The following CNBD1 variants were observed in gnomAD, a reference collection of about 807,000 sequenced individuals.
CNBD1 encodes cyclic nucleotide-binding domain-containing protein 1.
A neutral mutation model predicts 54.4 loss-of-function variants in CNBD1; 71 were observed. That is an observed-to-expected ratio of 1.30 (90% CI 1.08 to 1.59). The LOEUF (loss-of-function observed/expected upper bound fraction) is 1.59, where lower values mean the gene tolerates loss of function less well. Among genes scored for constraint, CNBD1 ranks in the 40% most tolerant of loss-of-function variants. The probability of loss-of-function intolerance (pLI) is 0.00; values close to 1 mark genes in which losing one functional copy is unlikely to be tolerated. For synonymous variants in CNBD1, 182 were observed against 170.7 expected, an observed-to-expected ratio of 1.07 and a Z score of -0.51; for missense variants, 659 against 518.0, an observed-to-expected ratio of 1.27 and a Z score of -2.64.
chr8:87,274,503 G>T (rs1419111717), intron 6 of CNBD1, among the ~76,000 whole-genome samples: 8 of 148,694 alleles, frequency 5.4e-5, no homozygotes, highest in Non-Finnish European at 8.9e-5. Flanking sequence ...GTTTTGATTT[G>T]CATTTCTCTG....
At chr8:87,045,526 C>T (rs1810162793) in intron 4 of CNBD1, among the ~76,000 whole-genome samples, 1 of 151,940 alleles carries the variant, frequency 6.6e-6, no homozygotes, top group Non-Finnish European at 1.5e-5. Flanking sequence ...GAGATCAAGA[C>T]CATCCTGGCT....
At chr8:87,419,382 A>G (rs1807888332) in intron 2 of CNBD1, among the ~76,000 whole-genome samples, 1 of 151,938 alleles carries the variant, frequency 6.6e-6, no homozygotes, top group Non-Finnish European at 1.5e-5. Flanking sequence ...ATATGGTTCC[A>G]CAGTTGTATG....
intron 2 of CNBD1, among the ~76,000 whole-genome samples, chr8:87,404,646 T>C (rs10046733): frequency 0.3 from 46,138 of 152,002 alleles, 7,340 homozygotes; most frequent in Middle Eastern, 0.41. Context: ...AATGGATCTG[T>C]AGTACCCACA....
chr8:87,343,475 A>G (rs1170228109), intron 8 of CNBD1, among the ~76,000 whole-genome samples: 2 of 152,222 alleles, frequency 1.3e-5, no homozygotes, highest in African/African-American at 4.8e-5. Flanking sequence ...TTCTTCTGCC[A>G]TGGCTTCAGC....
intron 4 of CNBD1, among the ~76,000 whole-genome samples, chr8:87,079,145 C>G (rs541731752): frequency 6.6e-6 from 1 of 151,776 alleles, no homozygotes; most frequent in Non-Finnish European, 1.5e-5. Flanking sequence ...GTTTTTTTCA[C>G]TCAGCATGCA....
chr8:86,961,480 A>G (rs940070371), intron 4 of CNBD1, among the ~76,000 whole-genome samples: 12 of 152,246 alleles, frequency 7.9e-5, no homozygotes, highest in African/African-American at 2.7e-4. Context: ...TCCAGATTCC[A>G]TACAATATTG....
downstream of CNBD1, among the ~76,000 whole-genome samples, chr8:87,385,262 G>T (rs924745621): frequency 6.6e-6 from 1 of 152,104 alleles, no homozygotes; most frequent in Non-Finnish European, 1.5e-5. Context: ...GGGAGTGTTG[G>T]ACGGTGGGTG....
Position 86,982,020 on chromosome 8 carries a change from A to G in CNBD1, c.431+42266A>G, listed in dbSNP as rs774504325. 1.5e-3 allele frequency among the ~76,000 whole-genome samples: 224 copies of G among 152,194 alleles called. 1 individual carries two copies. The highest frequency in any genetic ancestry group is 2.1e-3 in the Non-Finnish European group (144 of 68,024). Reference sequence around the variant, plus strand: ...TAACGGAGGTGTACCAAGTTTCACTACTGTTGGCAATGTGTGAGAATTCCA... The same window carrying G: ...TAACGGAGGTGTACCAAGTTTCACTGCTGTTGGCAATGTGTGAGAATTCCA... On this transcript the variant is annotated intron_variant, in intron 4 of 10. Transcript: ENST00000518476.
chr8:87,089,333 T>C (rs1037902536), intron 4 of CNBD1, among the ~76,000 whole-genome samples: 9 of 152,078 alleles, frequency 5.9e-5, no homozygotes, highest in Non-Finnish European at 1.2e-4. Context: ...TAACTAGATA[T>C]AGGATGGACT....
intron 4 of CNBD1, among the ~76,000 whole-genome samples, chr8:86,945,314 G>T (rs147935503): frequency 1.3e-5 from 2 of 152,110 alleles, no homozygotes; most frequent in African/African-American, 4.8e-5. Flanking sequence ...TCCTTTGAGC[G>T]AATGAGGCAT....
chr8:87,200,672 A>G (rs2130793318), intron 4 of CNBD1, among the ~76,000 whole-genome samples: 1 of 152,244 alleles, frequency 6.6e-6, no homozygotes, highest in East Asian at 1.9e-4. Context: ...ATTAAAGGAA[A>G]CATTTCTAGA....
chr8:87,418,044 G>T (rs1807864871), intron 2 of CNBD1, among the ~76,000 whole-genome samples: 1 of 151,782 alleles, frequency 6.6e-6, no homozygotes, highest in Non-Finnish European at 1.5e-5. Flanking sequence ...TGCAGAAATT[G>T]ATAAACTAAT....
At chr8:87,402,516 C>T (rs949858042) in intron 2 of CNBD1, among the ~76,000 whole-genome samples, 5 of 152,038 alleles carry the variant, frequency 3.3e-5, no homozygotes, top group African/African-American at 4.8e-5. Flanking sequence ...TTTCTTTTAA[C>T]TATAGCTGAG....
chr8:87,331,577 C>T (rs1303310794), intron 8 of CNBD1, among the ~76,000 whole-genome samples: 2 of 152,148 alleles, frequency 1.3e-5, no homozygotes, highest in Non-Finnish European at 2.9e-5. Context: ...GTTATATACC[C>T]AGTAATGGGA....
At chr8:86,950,791 C>G (rs1352081707) in intron 4 of CNBD1, among the ~76,000 whole-genome samples, 1 of 152,004 alleles carries the variant, frequency 6.6e-6, no homozygotes, top group Non-Finnish European at 1.5e-5. Context: ...TACTGGGAGA[C>G]TTTTTATTAC....
chr8:87,094,574 C>T (rs1001235363), intron 4 of CNBD1, among the ~76,000 whole-genome samples: 1 of 151,834 alleles, frequency 6.6e-6, no homozygotes, highest in Non-Finnish European at 1.5e-5. Context: ...ATTTATTATA[C>T]TTTCAAACCC....
chr8:86,963,373 C>A (rs1463426113), intron 4 of CNBD1, among the ~76,000 whole-genome samples: 1 of 152,184 alleles, frequency 6.6e-6, no homozygotes, highest in Non-Finnish European at 1.5e-5. Flanking sequence ...CTGCACTGTG[C>A]CCTTCGACTC....
At chr8:87,137,115 TA>T (rs1563482918) in intron 4 of CNBD1, among the ~76,000 whole-genome samples, 4 of 33,106 alleles carry the variant, frequency 1.2e-4, no homozygotes, top group African/African-American at 6.3e-4. Flanking sequence ...TTATATATAT[TA>T]TATTTTTATT....
chr8:87,231,010 T>C (rs1814677772), intron 5 of CNBD1, among the ~76,000 whole-genome samples: 1 of 152,154 alleles, frequency 6.6e-6, no homozygotes, highest in Non-Finnish European at 1.5e-5. Flanking sequence ...CTTACATTCA[T>C]GGCAGACGGC....
Sources: allele counts gnomAD v4.1 joint callset (sites outside exome capture counted in the v4.1 genomes callset), GRCh38; gene constraint gnomAD v4.1.1; transcripts MANE v1.5; gene names NCBI Gene and HGNC (gene_info 2026-07-23, HGNC 2026-07-21).